The following CROCC variants were observed in gnomAD, a reference collection of about 807,000 sequenced individuals.
CROCC encodes ciliary rootlet coiled-coil, rootletin.
In CROCC, 180 loss-of-function variants were observed where a neutral mutation model predicts 245.2. That is an observed-to-expected ratio of 0.73 (90% CI 0.65 to 0.83). CROCC has a LOEUF of 0.83. Among genes scored for constraint, CROCC ranks in the 40% least tolerant of loss-of-function variants. CROCC has a pLI of 0.00. For missense variants in CROCC, 2,688 were observed against 2,779.4 expected (o/e 0.97, Z 0.74); for synonymous variants, 1,205 against 1,241.6 (o/e 0.97, Z 0.62).
At chr1:16,933,023 C>G (rs1302896362) in intron 8 of CROCC, among the ~76,000 whole-genome samples, 34 of 152,200 alleles carry the variant, frequency 2.2e-4, no homozygotes, top group African/African-American at 7.7e-4. Context: ...GTTGCCCAGG[C>G]TGGTCTTGAA....
chr1:16,968,946 A>C, intron 31 of CROCC, 170 bp from the exon 32 acceptor site: 1 of 731,126 alleles, frequency 1.4e-6, no homozygotes, highest in Non-Finnish European at 2.4e-6. Context: ...CCCAGGTGGC[A>C]GTAGGCTGAG....
intron 3 of CROCC, among the ~76,000 whole-genome samples, chr1:16,928,043 C>T (rs145318970): frequency 1.3e-5 from 2 of 152,406 alleles, no homozygotes; most frequent in African/African-American, 4.8e-5. Context: ...CCTTCCCTAC[C>T]GCTAACCTGG....
At chr1:16,955,647 C>T (rs908460807) in intron 24 of CROCC, 97 bp downstream of exon 24, 17 of 1,107,470 alleles carry the variant, frequency 1.5e-5, no homozygotes, top group Admixed American at 1.2e-4. Flanking sequence ...TGCCCAGATA[C>T]GGATCCTCTG....
At chr1:16,928,122 C>T (rs1399324385) in intron 3 of CROCC, among the ~76,000 whole-genome samples, 3 of 152,286 alleles carry the variant, frequency 2.0e-5, no homozygotes, top group Non-Finnish European at 2.9e-5. Flanking sequence ...CTGTGGCTGG[C>T]GTGGCCCTGC....
At chr1:16,946,209 T>G in intron 15 of CROCC, 50 bp from the exon 16 acceptor site, 2 of 1,586,348 alleles carry the variant, frequency 1.3e-6, no homozygotes, top group South Asian at 2.3e-5. Context: ...CCTCCTCACC[T>G]CCTCCCGACC....
chr1:16,937,771 T>C (rs1427301719), intron 10 of CROCC, 34 bp downstream of exon 10: 1 of 1,546,252 alleles, frequency 6.5e-7, no homozygotes, highest in Admixed American at 1.7e-5. Flanking sequence ...TGGGGCAGGG[T>C]GAGATGGGGT....
Position 16,956,127 on chromosome 1 carries a change from C to T in CROCC, c.3835C>T (p.Arg1279Trp), listed in dbSNP as rs752049419. ...QEVERSRLEA[R>W]RELQELRRQM... ...GGTGGAGCGCTCACGGCTGGAGGCTCGGCGGGAGCTGCAGGAGCTCCGGCG... is the reference window on the plus strand; with the variant it reads ...GGTGGAGCGCTCACGGCTGGAGGCTTGGCGGGAGCTGCAGGAGCTCCGGCG... The change falls in exon 25 of 37, where the codon CGG becomes TGG. Residue 1279 changes from arginine to tryptophan, a missense_variant. Transcript: ENST00000375541. 1.4e-5 allele frequency: 21 copies of T among 1,547,500 alleles called. No homozygotes were observed. The highest frequency in any genetic ancestry group is 1.4e-5 in the African/African-American group (1 of 72,984).
intron 2 of CROCC, 24 bp downstream of exon 2, chr1:16,922,822 C>T: frequency 6.2e-7 from 1 of 1,603,350 alleles, no homozygotes; most frequent in Admixed American, 1.7e-5. Flanking sequence ...CCGCTCCCCT[C>T]CACAAACACC....
chr1:16,970,771 T>C lies in CROCC; in HGVS notation c.5784+4T>C, dbSNP rs1253629513. ...GAGGCAGATCCAGCAGCTGGAGGTC[T>C]GACCCCACCCAGTCCGGGACCCCAA... On this transcript the variant is annotated splice_donor_region_variant and intron_variant, in intron 35 of 36. Transcript: ENST00000375541. 6.3e-7 allele frequency: 1 copy of C among 1,576,934 alleles called. No individual in the cohort carries two copies. Among genetic ancestry groups the C allele is most frequent in the East Asian group, 2.2e-5 (1 of 44,534 alleles).
chr1:16,932,991 T>C (rs1400643297), intron 8 of CROCC, among the ~76,000 whole-genome samples: 9 of 152,258 alleles, frequency 5.9e-5, no homozygotes, highest in African/African-American at 2.2e-4. Flanking sequence ...TTTTATTTCT[T>C]GTAGAGTCGA....
rs769058838 is a variant in CROCC, at chr1:16,971,631, G to C, written c.5951G>C (p.Arg1984Pro). The C allele has an allele frequency of 1.2e-5, 18 of 1,502,666 alleles. No individual in the cohort carries two copies. Among genetic ancestry groups the C allele is most frequent in the South Asian group, 3.8e-5 (3 of 79,922 alleles). 93.1% of individuals were successfully genotyped at this position (1,502,666 alleles called of 1,614,324 possible). A position where few individuals can be genotyped will look rare whatever the true frequency, so the allele number is the denominator to read the frequency against. The change falls in exon 36 of 37, where the codon CGT becomes CCT. Residue 1984 changes from arginine (R) to proline (P), a missense_variant. Arg to Pro is a moderately radical substitution (Grantham distance 103). This residue lies in a region of CROCC where 1,218 missense variants were observed against 1,286.3 expected (regional missense o/e 0.95). Transcript: ENST00000375541. The part of the protein sequence containing the change: ...ARERAHRQRV[R>P]GLEEQVSTLK... ...GAGCGGGCCCACCGCCAGAGGGTGC[G>C]TGGGCTGGAGGAGCAGGTGTGCAGG... is the stretch of plus-strand genomic sequence containing the variant.
At chr1:16,963,571 G>A (rs1174130788) in intron 27 of CROCC, among the ~76,000 whole-genome samples, 11 of 152,116 alleles carry the variant, frequency 7.2e-5, no homozygotes, top group African/African-American at 1.7e-4. Context: ...TCATGGCTGC[G>A]GAGCAGTTTT....
At position 16,955,501 on chromosome 1, in the gene CROCC, A is replaced by G; in HGVS notation, c.3655A>G (p.Asn1219Asp). ...GGAGCGCGAGGCCCTGCGGCGTTCC[A>G]ATGAGGAGCTTCGGTCTGCTGTGAA... ...AKEREALRRS[N>D]EELRSAVKKA... Residue 1219 changes from asparagine to aspartate, a missense_variant, in exon 24 of 37, where the codon AAT (asparagine) becomes GAT (aspartate). Transcript: ENST00000375541. 1 of 1,576,996 alleles carries G rather than the reference A, an allele frequency of 6.3e-7. No individual in the cohort carries two copies. The highest frequency in any genetic ancestry group is 8.6e-7 in the Non-Finnish European group (1 of 1,165,420).
At position 16,972,414 on chromosome 1, in the gene CROCC, T is replaced by C; in HGVS notation, c.6022T>C (p.Phe2008Leu). ...GGAGCTTCGAAGGAGCTCAGCACCC[T>C]TCTCCCCACCCTCCGGCCCCCCAGA... is the stretch of plus-strand genomic sequence containing the variant. ...QQELRRSSAP[F>L]SPPSGPPEK Residue 2008 changes from phenylalanine (F) to leucine (L), a missense_variant, in exon 37 of 37, where the codon TTC (phenylalanine) becomes CTC (leucine). Phe to Leu is a conservative substitution (Grantham distance 22). Coordinates refer to ENST00000375541, the MANE Select transcript of CROCC (RefSeq NM_014675.5). 1.2e-6 allele frequency: 2 copies of C among 1,613,420 alleles called. No individual in the cohort carries two copies. Among genetic ancestry groups the C allele is most frequent in the South Asian group, 1.1e-5 (1 of 90,918 alleles).
At chr1:16,969,650 G>C in intron 32 of CROCC, 135 bp from the exon 33 acceptor site, 1 of 1,303,882 alleles carries the variant, frequency 7.7e-7, no homozygotes, top group South Asian at 1.4e-5. Flanking sequence ...CCGTGGATGG[G>C]TTTGGTGTGC....
At position 16,953,154 on chromosome 1, in the gene CROCC, A is replaced by G. The variant is rs929417912; in HGVS notation, c.3007-148A>G. On this transcript the variant is annotated intron_variant, in intron 20 of 36. Transcript: ENST00000375541. ...TTCACGGCCCTGGCGTGTCCCCGTC[A>G]TAGCCCTTATCACTCCCTTGTATTT... is the stretch of plus-strand genomic sequence containing the variant. 8.1e-6 allele frequency: 6 copies of G among 737,890 alleles called. No homozygotes were observed. In the East Asian group the frequency reaches 8.1e-5, roughly 10 times the overall value. The allele number at this position is 737,890 out of a possible 1,614,324, so 45.7% of individuals were successfully genotyped here. A position where few individuals can be genotyped will look rare whatever the true frequency, so the allele number is the denominator to read the frequency against.
chr1:16,970,934 G>C lies in CROCC; in HGVS notation c.5784+167G>C, dbSNP rs550741306. 2.6e-4 allele frequency: 195 copies of C among 758,494 alleles called. 4 individuals carry two copies. The South Asian group carries it at 5.4e-3, about 21-fold the overall frequency. 47.0% of individuals were successfully genotyped at this position (758,494 alleles called of 1,614,324 possible). On this transcript the variant is annotated intron_variant, in intron 35 of 36. Coordinates refer to ENST00000375541, the MANE Select transcript of CROCC (RefSeq NM_014675.5). ...CCATGGAGGGATGGGTTCTCCCTAAGGTGTACAGAAAAGACACGAAAGGCC... is the reference window on the plus strand; with the variant it reads ...CCATGGAGGGATGGGTTCTCCCTAACGTGTACAGAAAAGACACGAAAGGCC...
At chr1:16,927,186 T>C (rs2075553292) in intron 3 of CROCC, among the ~76,000 whole-genome samples, 1 of 152,170 alleles carries the variant, frequency 6.6e-6, no homozygotes, top group Admixed American at 6.5e-5. Context: ...ACACTCCAAT[T>C]CACAGAATAT....
At chr1:16,941,568 A>C (rs113721369) in intron 13 of CROCC, 1 of 152,622 alleles carries the variant, frequency 6.6e-6, no homozygotes, top group African/African-American at 2.4e-5. Flanking sequence ...CTCTACTAAA[A>C]ATACAAAAAG....
Sources: allele counts gnomAD v4.1 joint callset (sites outside exome capture counted in the v4.1 genomes callset), GRCh38; gene constraint gnomAD v4.1.1; regional missense constraint gnomAD v4.1.1; transcripts MANE v1.5; gene names NCBI Gene and HGNC (gene_info 2026-07-23, HGNC 2026-07-21).